Variants in AGRN observed in about 807,000 individuals in gnomAD.
AGRN encodes the protein agrin, also known as agrin proteoglycan.
Under a neutral mutation model 211.0 loss-of-function variants are expected in AGRN, and 106 were observed. The ratio of observed to expected loss-of-function variants is 0.50; its 90% CI spans 0.43 to 0.59. The LOEUF (loss-of-function observed/expected upper bound fraction) is 0.59. Among genes scored for constraint, AGRN ranks in the 20% least tolerant of loss-of-function variants. The probability of loss-of-function intolerance (pLI) is 0.00; values close to 1 mark genes in which losing one functional copy is unlikely to be tolerated. For synonymous variants in AGRN, 1,525 were observed against 1,332.5 expected (o/e 1.14, Z -3.15); for missense variants, 3,040 against 2,982.6 (o/e 1.02, Z -0.45).
chr1:1,045,780 A>G lies in AGRN; in HGVS notation c.2584A>G (p.Met862Val). 6.2e-7 allele frequency: 1 copy of G among 1,613,366 alleles called. No individual in the cohort carries two copies. Among genetic ancestry groups the G allele is most frequent in the African/African-American group, 1.3e-5 (1 of 75,038 alleles). ...CGCCGTGCGGGATGACTGTGAGCAG[A>G]TGACGGGGCTGTGCTCGTGTAAGCC... ...QGAVRDDCEQ[M>V]TGLCSCKPGV... Residue 862 changes from methionine (M) to valine (V), a missense_variant, in exon 15 of 36, where the codon ATG becomes GTG. This residue lies in a region of AGRN where 1,498 missense variants were observed against 1,457.8 expected (regional missense o/e 1.03). Coordinates refer to ENST00000379370, the MANE Select transcript of AGRN (RefSeq NM_198576.4).
intron 2 of AGRN, among the ~76,000 whole-genome samples, chr1:1,024,836 T>C (rs1644484451): frequency 1.3e-5 from 2 of 152,142 alleles, no homozygotes; most frequent in African/African-American, 4.8e-5. Flanking sequence ...AAGACAGGTA[T>C]GTGTCCCTCC....
chr1:1,051,481 C>T lies in AGRN; in HGVS notation c.5399C>T (p.Thr1800Ile). 1 of 1,568,916 alleles carries T rather than the reference C, an allele frequency of 6.4e-7. No individual in the cohort carries two copies. The part of the protein sequence containing the change: ...LVSLGGRQLL[T>I]PEHVLRQVDV... ...TCCCTCGGAGGCCGCCAGCTGCTGACCCCGGAGCACGTGCTGCGGCAGGTG... is the reference window on the plus strand; with the variant it reads ...TCCCTCGGAGGCCGCCAGCTGCTGATCCCGGAGCACGTGCTGCGGCAGGTG... The change falls in exon 32 of 36, where the codon ACC becomes ATC. Residue 1800 changes from threonine to isoleucine, a missense_variant. By Grantham distance (89) the Thr-to-Ile change is moderately conservative (BLOSUM62 -1). Coordinates refer to ENST00000379370, the MANE Select transcript of AGRN (RefSeq NM_198576.4).
At chr1:1,051,085 A>G (rs1204338912) in intron 30 of AGRN, 168 bp from the exon 31 acceptor site, 4 of 1,541,264 alleles carry the variant, frequency 2.6e-6, no homozygotes, top group South Asian at 1.2e-5. Context: ...CTGGCGCCTC[A>G]ACCCCTAGGG....
Position 1,042,059 on chromosome 1 carries a change from C to G in AGRN, c.1281C>G (p.Pro427=). 6.2e-7 allele frequency: 1 copy of G among 1,607,984 alleles called. No individual in the cohort carries two copies. Among genetic ancestry groups the G allele is most frequent in the Non-Finnish European group, 8.5e-7 (1 of 1,179,526 alleles). The change falls in exon 7 of 36, where the codon CCC becomes CCG. Residue 427 remains proline, a synonymous_variant. Transcript: ENST00000379370. ...TCACCTGTGACGGGGCCTACAGGCC[C>G]GTGTGTGCCCAGGACGGGCGCACGT... ...DRVTCDGAYR[P]VCAQDGRTYD... is the part of the protein sequence containing the mutation.
chr1:1,047,758 G>C lies in AGRN; in HGVS notation c.3632-18G>C, dbSNP rs1374275956. The C allele has an allele frequency of 1.9e-6, 3 of 1,610,048 alleles. No homozygotes were observed. Among genetic ancestry groups the C allele is most frequent in the Non-Finnish European group, 2.5e-6 (3 of 1,178,794 alleles). ...GATGCCTGGGGCTCTGCCATGCTCA[G>C]AGCTCCCTCCTCCCCAGCCACAGCC... On this transcript the variant is annotated intron_variant, in intron 21 of 35. Coordinates refer to ENST00000379370, the MANE Select transcript of AGRN (RefSeq NM_198576.4).
In AGRN at chr1:1,051,626, A is replaced by C. The variant is rs2100689615; in HGVS notation, c.5544A>C (p.Ser1848=). The stretch of plus-strand genomic sequence containing the variant: ...TGTGCCTGTGTCCCGGGGGATTCTC[A>C]GGACCGCACTGCGAGAAGGGTGAGC... The part of the protein sequence containing the change: ...AYVCLCPGGF[S]GPHCEKGLVE... The change falls in exon 32 of 36, where the codon TCA becomes TCC. Residue 1848 remains serine (S), a synonymous_variant. Coordinates refer to ENST00000379370, the MANE Select transcript of AGRN (RefSeq NM_198576.4). 6.2e-7 allele frequency: 1 copy of C among 1,610,644 alleles called. No individual in the cohort carries two copies. The highest frequency in any genetic ancestry group is 8.5e-7 in the Non-Finnish European group (1 of 1,178,436).
At chr1:1,034,748 C>A (rs1644759640) in intron 2 of AGRN, 1 of 1,008,892 alleles carries the variant, frequency 9.9e-7, no homozygotes, top group African/African-American at 1.7e-5. Context: ...AGCCCCAACC[C>A]CGAGGCCCCT....
chr1:1,024,692 C>T (rs1644480558), intron 2 of AGRN, among the ~76,000 whole-genome samples: 1 of 152,148 alleles, frequency 6.6e-6, no homozygotes, highest in Non-Finnish European at 1.5e-5. Flanking sequence ...TGAGGACTTC[C>T]TTTCCTCAGT....
chr1:1,022,491 C>T, intron 2 of AGRN, 29 bp downstream of exon 2: 3 of 1,588,592 alleles, frequency 1.9e-6, no homozygotes, highest in Non-Finnish European at 2.6e-6. Flanking sequence ...GTGTGGGGGC[C>T]TGTGGGGGTC....
In AGRN at chr1:1,032,864, G is replaced by A. The variant is rs1391580472; in HGVS notation, c.464-2413G>A. On this transcript the variant is annotated intron_variant, in intron 2 of 35. Transcript: ENST00000379370. The surrounding 1 kb of genome is among the most constrained non-coding windows in gnomAD (Gnocchi z 4.7). ...TGAGGTGCGGTCGCCGAGAGATTCT[G>A]GCCTCCAGGGTGGTCGGGCCTGGCA... 6.6e-6 allele frequency among the ~76,000 whole-genome samples: 1 copy of A among 152,074 alleles called. No homozygotes were observed. The highest frequency in any genetic ancestry group is 1.5e-5 in the Non-Finnish European group (1 of 67,996).
chr1:1,045,379 C>A lies in AGRN; in HGVS notation c.2392C>A (p.His798Asn). ...GCPSACQCNP[H>N]GSYGGTCDPA... ...TTCAGGTGCCTGCCAGTGCAACCCC[C>A]ATGGCTCTTACGGCGGCACCTGTGA... is the stretch of plus-strand genomic sequence containing the variant. Residue 798 changes from histidine (H) to asparagine (N), a missense_variant, in exon 14 of 36, where the codon CAT (histidine) becomes AAT (asparagine). His to Asn is a moderately conservative substitution (Grantham distance 68). This residue lies in a region of AGRN where 1,498 missense variants were observed against 1,457.8 expected (regional missense o/e 1.03). Coordinates refer to ENST00000379370, the MANE Select transcript of AGRN (RefSeq NM_198576.4). 4 of 1,611,992 alleles carry A rather than the reference C, an allele frequency of 2.5e-6. No homozygotes were observed. Among genetic ancestry groups the A allele is most frequent in the Non-Finnish European group, 3.4e-6 (4 of 1,179,950 alleles).
At position 1,048,199 on chromosome 1, in the gene AGRN, T is replaced by C. The variant is rs1354073022; in HGVS notation, c.3939T>C (p.Thr1313=). ...CCACCACACGTCGGCCCCCCACCAC[T>C]GCCCCCAGCCGTGTGCCCGGACGTC... ...AAPTTRRPPT[T]APSRVPGRRP... Residue 1313 remains threonine, a synonymous_variant, in exon 23 of 36, where the codon ACT becomes ACC. Transcript: ENST00000379370. This position sits in a 1 kb window ranked among gnomAD's most constrained non-coding sequence, Gnocchi z 5.9. 2 of 1,559,758 alleles carry C rather than the reference T, an allele frequency of 1.3e-6. No homozygotes were observed. The highest frequency in any genetic ancestry group is 1.8e-5 in the Admixed American group (1 of 54,994).
At chr1:1,026,772 G>A (rs1644529807) in intron 2 of AGRN, among the ~76,000 whole-genome samples, 1 of 152,224 alleles carries the variant, frequency 6.6e-6, no homozygotes, top group Non-Finnish European at 1.5e-5. Context: ...CGGGGTCCCA[G>A]GAGGTGCCTG....
chr1:1,020,512 G>A (rs921776463), intron 1 of AGRN, 139 bp downstream of exon 1: 7 of 817,516 alleles, frequency 8.6e-6, no homozygotes, highest in African/African-American at 3.6e-5. Flanking sequence ...GCCCCGGGAG[G>A]GGGGGTCGCC....
intron 30 of AGRN, 129 bp downstream of exon 30, chr1:1,050,966 T>C: frequency 1.3e-6 from 2 of 1,549,662 alleles, no homozygotes; most frequent in Non-Finnish European, 1.7e-6. Flanking sequence ...TGCCCTGTCC[T>C]CTGCCTCCTC....
intron 2 of AGRN, among the ~76,000 whole-genome samples, chr1:1,025,009 G>A (rs1644489088): frequency 6.6e-6 from 1 of 152,110 alleles, no homozygotes; most frequent in East Asian, 1.9e-4. Flanking sequence ...TCCTGTCTGG[G>A]CACTGCCCAT....
rs1374826449 is a variant in AGRN, at chr1:1,041,251, C to G, written c.806C>G (p.Ser269Trp). The G allele has an allele frequency of 6.7e-7, 1 of 1,496,740 alleles. No individual in the cohort carries two copies. Among genetic ancestry groups the G allele is most frequent in the Non-Finnish European group, 8.9e-7 (1 of 1,129,072 alleles). 92.7% of individuals were successfully genotyped at this position (1,496,740 alleles called of 1,614,324 possible). Reference protein sequence around the residue: ...CARSADGLTASCLCPATCRGA... With the variant: ...CARSADGLTAWCLCPATCRGA... ...CGCTCGGCCGACGGGCTGACGGCCT[C>G]GTGCCTGTGCCCCGCGACCTGCCGT... Residue 269 changes from serine to tryptophan, a missense_variant, in exon 5 of 36, where the codon TCG becomes TGG. By Grantham distance (177) the Ser-to-Trp change is radical (BLOSUM62 -3). Around this residue, in one of 3 missense-constraint regions of AGRN, gnomAD observed 1,498 missense variants for 1,457.8 expected, o/e 1.03. Coordinates refer to ENST00000379370, the MANE Select transcript of AGRN (RefSeq NM_198576.4).
rs1457340390 is a variant in AGRN at position 1,041,495 on chromosome 1, C to G, written c.970C>G (p.Leu324Val). ...DGPCDPCQGA[L>V]PDPSRSCRVN... ...ACCCCCAGACCCCTGTCAGGGCGCCCTCCCTGACCCGAGCCGCAGCTGCCG... is the reference window on the plus strand; with the variant it reads ...ACCCCCAGACCCCTGTCAGGGCGCCGTCCCTGACCCGAGCCGCAGCTGCCG... The change falls in exon 6 of 36, where the codon CTC (leucine) becomes GTC (valine). Residue 324 changes from leucine to valine, a missense_variant. By Grantham distance (32) the Leu-to-Val change is conservative (BLOSUM62 1). Coordinates refer to ENST00000379370, the MANE Select transcript of AGRN (RefSeq NM_198576.4). 1 of 1,596,354 alleles carries G rather than the reference C, an allele frequency of 6.3e-7. No individual in the cohort carries two copies. Among genetic ancestry groups the G allele is most frequent in the Non-Finnish European group, 8.5e-7 (1 of 1,177,624 alleles).
rs375347730 is a variant in AGRN at position 1,043,276 on chromosome 1, A to G, written c.1422A>G (p.Ala474=). The G allele has an allele frequency of 6.2e-7, 1 of 1,611,246 alleles. No homozygotes were observed. Among genetic ancestry groups the G allele is most frequent in the Non-Finnish European group, 8.5e-7 (1 of 1,179,446 alleles). The change falls in exon 8 of 36, where the codon GCA becomes GCG. Residue 474 remains alanine (A), a synonymous_variant. Coordinates refer to ENST00000379370, the MANE Select transcript of AGRN (RefSeq NM_198576.4). Reference sequence around the variant, plus strand: ...CCCCATGCCTCGGGGTGCAGTGTGCATTTGGGGCGACGTGTGCTGTGAAGA... The same window carrying G: ...CCCCATGCCTCGGGGTGCAGTGTGCGTTTGGGGCGACGTGTGCTGTGAAGA... ...APSPCLGVQC[A]FGATCAVKNG...
Sources: allele counts gnomAD v4.1 joint callset (sites outside exome capture counted in the v4.1 genomes callset), GRCh38; gene constraint gnomAD v4.1.1; regional missense constraint gnomAD v4.1.1; non-coding constraint Gnocchi (gnomAD v3.1); transcripts MANE v1.5; gene names NCBI Gene and HGNC (gene_info 2026-07-23, HGNC 2026-07-21).